Variants in CBLB observed in about 807,000 individuals in gnomAD.
CBLB encodes the protein Cbl proto-oncogene B, also known as E3 ubiquitin-protein ligase CBL-B.
A neutral mutation model predicts 104.9 loss-of-function variants in CBLB; 31 were observed. That is an observed-to-expected ratio of 0.30 (90% CI 0.22 to 0.40). The LOEUF (loss-of-function observed/expected upper bound fraction) is 0.40, where lower values mean the gene tolerates loss of function less well. Ranked by LOEUF, CBLB falls within the 10% of genes least tolerant of loss-of-function variation. CBLB has a pLI of 1.00. For missense variants in CBLB, 1,062 were observed against 1,214.6 expected (o/e 0.87, Z 1.87); for synonymous variants, 440 against 422.6 (o/e 1.04, Z -0.51).
intron 9 of CBLB, among the ~76,000 whole-genome samples, chr3:105,725,862 C>A (rs77990699): frequency 6.9e-6 from 1 of 145,484 alleles, no homozygotes; most frequent in Non-Finnish European, 1.5e-5. Context: ...TTTTTTTTTA[C>A]TCTTTGAGAC....
intron 3 of CBLB, among the ~76,000 whole-genome samples, chr3:105,811,117 T>C (rs1279332706): frequency 6.6e-6 from 1 of 152,200 alleles, no homozygotes; most frequent in African/African-American, 2.4e-5. Flanking sequence ...AAACCTTAAT[T>C]AGGCCTTTCC....
At chr3:105,851,252 C>A (rs2090908114) in intron 3 of CBLB, among the ~76,000 whole-genome samples, 1 of 152,096 alleles carries the variant, frequency 6.6e-6, no homozygotes. Flanking sequence ...ACCTAAAATG[C>A]AAATTGTTAG....
intron 4 of CBLB, among the ~76,000 whole-genome samples, chr3:105,761,676 G>A (rs1424283615): frequency 1.3e-5 from 2 of 152,138 alleles, no homozygotes; most frequent in Non-Finnish European, 2.9e-5. Context: ...ACCCAATTTT[G>A]AGTATGTCTT....
At chr3:105,837,535 T>A (rs1320165297) in intron 3 of CBLB, among the ~76,000 whole-genome samples, 1 of 152,202 alleles carries the variant, frequency 6.6e-6, no homozygotes, top group Non-Finnish European at 1.5e-5. Context: ...GAGTAGTTTG[T>A]GAGAGTAGGC....
chr3:105,749,766 C>A, intron 5 of CBLB: 1 of 305,968 alleles, frequency 3.3e-6, no homozygotes. Context: ...TATCAGAAAC[C>A]TTTAAAGAAA....
intron 3 of CBLB, among the ~76,000 whole-genome samples, chr3:105,821,251 T>G (rs71327586): frequency 0.02 from 1,821 of 92,674 alleles, 18 homozygotes; most frequent in Non-Finnish European, 0.031. Context: ...AGATCAGATA[T>G]CTATATCTAT....
intron 17 of CBLB, among the ~76,000 whole-genome samples, chr3:105,674,173 C>T (rs901227544): frequency 1.3e-5 from 2 of 152,228 alleles, no homozygotes; most frequent in African/African-American, 4.8e-5. Context: ...CATCTGAACA[C>T]AGTGGTCTCC....
chr3:105,693,782 C>T (rs565391677), intron 12 of CBLB, among the ~76,000 whole-genome samples, 194 bp from the exon 13 acceptor site: 54 of 151,940 alleles, frequency 3.6e-4, no homozygotes, highest in Admixed American at 1.3e-3. Flanking sequence ...CAAGCTTACA[C>T]AAAAAATAAA....
intron 3 of CBLB, among the ~76,000 whole-genome samples, chr3:105,802,507 C>T (rs1031253768): frequency 6.6e-6 from 1 of 152,144 alleles, no homozygotes; most frequent in Non-Finnish European, 1.5e-5. Context: ...ACTGGAAGTC[C>T]CATACACTAA....
At chr3:105,770,704 G>C (rs1313879650) in intron 4 of CBLB, among the ~76,000 whole-genome samples, 3 of 152,120 alleles carry the variant, frequency 2.0e-5, no homozygotes. Context: ...ATGGCTTTTT[G>C]AAAGCCATGG....
intron 12 of CBLB, among the ~76,000 whole-genome samples, chr3:105,695,016 G>A (rs115513643): frequency 4.6e-5 from 7 of 151,740 alleles, no homozygotes; most frequent in South Asian, 4.2e-4. Context: ...AACCACAAAC[G>A]CTCATTGTGA....
At chr3:105,813,849 CT>C (rs1341433663) in intron 3 of CBLB, among the ~76,000 whole-genome samples, 1 of 152,026 alleles carries the variant, frequency 6.6e-6, no homozygotes, top group African/African-American at 2.4e-5. Flanking sequence ...TGACTGTTTC[CT>C]TGTCTTTCTC....
In CBLB at chr3:105,660,756, TA is replaced by T. The variant is rs1276363651; in HGVS notation, c.2690-1528del. Among the ~76,000 whole-genome samples, 3 of 152,312 alleles carry T rather than the reference TA, an allele frequency of 2.0e-5. No individual in the cohort carries two copies. In the East Asian group the frequency reaches 5.8e-4, roughly 29 times the overall value. On this transcript the variant is annotated intron_variant, in intron 18 of 18. Transcript: ENST00000394030. ...AGATACTGTAAGCTGATATTTTCAATAATAATAAACGTAAATAATAAAAGCT... is the reference window on the plus strand; with the variant it reads ...AGATACTGTAAGCTGATATTTTCAATATAATAAACGTAAATAATAAAAGCT...
At chr3:105,852,017 T>C (rs1305334456) in intron 3 of CBLB, among the ~76,000 whole-genome samples, 1 of 152,198 alleles carries the variant, frequency 6.6e-6, no homozygotes, top group East Asian at 1.9e-4. Flanking sequence ...GCATAACACA[T>C]ACTTGATAAT....
At chr3:105,743,212 C>T (rs1325852473) in intron 6 of CBLB, among the ~76,000 whole-genome samples, 1 of 152,072 alleles carries the variant, frequency 6.6e-6, no homozygotes, top group Non-Finnish European at 1.5e-5. Context: ...AATCCCAGCA[C>T]GTTGGGAGAC....
At chr3:105,832,122 G>A (rs539252681) in intron 3 of CBLB, among the ~76,000 whole-genome samples, 7 of 152,138 alleles carry the variant, frequency 4.6e-5, no homozygotes, top group Admixed American at 1.3e-4. Flanking sequence ...GGTAATGCCC[G>A]AATACTACTC....
At chr3:105,809,430 T>C (rs184280947) in intron 3 of CBLB, among the ~76,000 whole-genome samples, 1 of 152,208 alleles carries the variant, frequency 6.6e-6, no homozygotes, top group Non-Finnish European at 1.5e-5. Flanking sequence ...GAGGCTATAC[T>C]ACCAGCTCAG....
chr3:105,808,510 T>C (rs954806601), intron 3 of CBLB, among the ~76,000 whole-genome samples: 1 of 152,218 alleles, frequency 6.6e-6, no homozygotes, highest in African/African-American at 2.4e-5. Flanking sequence ...AGCTGTCTTA[T>C]GTCATTACAC....
intron 10 of CBLB, among the ~76,000 whole-genome samples, chr3:105,709,661 T>C (rs549125275): frequency 5.3e-5 from 8 of 151,992 alleles, no homozygotes; most frequent in Non-Finnish European, 7.4e-5. Flanking sequence ...TGAACACTTA[T>C]GCTGTTTTCA....
Sources: allele counts gnomAD v4.1 joint callset (sites outside exome capture counted in the v4.1 genomes callset), GRCh38; gene constraint gnomAD v4.1.1; transcripts MANE v1.5; gene names NCBI Gene and HGNC (gene_info 2026-07-23, HGNC 2026-07-21).